The following KCNH5 variants were observed in gnomAD, a reference collection of about 807,000 sequenced individuals.
The protein encoded by KCNH5 is voltage-gated delayed rectifier potassium channel KCNH5.
Under a neutral mutation model 96.1 loss-of-function variants are expected in KCNH5, and 46 were observed. That is an observed-to-expected ratio of 0.48 (90% CI 0.38 to 0.61). The LOEUF is 0.61. KCNH5 is among the 20% of genes least tolerant of loss of function. The probability of loss-of-function intolerance (pLI) is 0.00; values close to 1 mark genes in which losing one functional copy is unlikely to be tolerated. For synonymous variants in KCNH5, 439 were observed against 449.8 expected (o/e 0.98, Z 0.30); for missense variants, 907 against 1,225.8 (o/e 0.74, Z 3.88).
chr14:62,818,796 AC>A (rs1887052884), intron 8 of KCNH5, among the ~76,000 whole-genome samples: 1 of 152,132 alleles, frequency 6.6e-6, no homozygotes, highest in South Asian at 2.1e-4. Context: ...TGAACATATA[AC>A]CCCATTATAT....
At chr14:63,006,303 C>T (rs1031124002) in intron 3 of KCNH5, 63 bp downstream of exon 3, 116 of 1,054,424 alleles carry the variant, frequency 1.1e-4, no homozygotes, top group African/African-American at 4.2e-4. Context: ...AGCTCCACTA[C>T]GACTTACCAA....
chr14:62,801,431 A>AT (rs1438932207), intron 9 of KCNH5, among the ~76,000 whole-genome samples: 2 of 147,180 alleles, frequency 1.4e-5, no homozygotes, highest in Non-Finnish European at 3.0e-5. Context: ...ACTTCCTTTT[A>AT]TATCTGTGGA....
chr14:63,029,248 G>T (rs2180803), intron 1 of KCNH5, among the ~76,000 whole-genome samples: 43,252 of 151,756 alleles, frequency 0.29, 7,324 homozygotes, highest in East Asian at 0.57. Flanking sequence ...ACCACAAGGA[G>T]CCCTGACTCA....
At chr14:63,003,624 A>ATATATATATATTT (rs1491457497) in intron 3 of KCNH5, among the ~76,000 whole-genome samples, 7 of 92,800 alleles carry the variant, frequency 7.5e-5, no homozygotes, top group South Asian at 2.9e-4. Context: ...ATATATATAT[A>ATATATATATATTT]TTTTTTTTTT....
At chr14:62,807,952 C>G (rs1385322899) in intron 8 of KCNH5, among the ~76,000 whole-genome samples, 1 of 152,070 alleles carries the variant, frequency 6.6e-6, no homozygotes, top group African/African-American at 2.4e-5. Flanking sequence ...TAAGGTAAGG[C>G]CTAGGGACGT....
At chr14:63,006,560 C>A in intron 2 of KCNH5, 88 bp from the exon 3 acceptor site, 1 of 738,616 alleles carries the variant, frequency 1.4e-6, no homozygotes, top group South Asian at 1.6e-5. Flanking sequence ...TTTGACTAGT[C>A]AAATGTGGCT....
Position 62,701,376 on chromosome 14 carries a change from T to C in KCNH5, c.*6132A>G, listed in dbSNP as rs928440378. ...ACTCATTAAAAGGAAGCAACTGCTGTCCCTTCTCCACACTCCTTTTTCCTC... is the reference window on the plus strand; with the variant it reads ...ACTCATTAAAAGGAAGCAACTGCTGCCCCTTCTCCACACTCCTTTTTCCTC... On this transcript the variant is annotated 3_prime_UTR_variant, in exon 11 of 11. Transcript: ENST00000322893. The C allele has an allele frequency of 6.6e-6, 1 of 152,180 alleles. No individual in the cohort carries two copies. Among genetic ancestry groups the C allele is most frequent in the Non-Finnish European group, 1.5e-5 (1 of 67,998 alleles). The allele number at this position is 152,180 out of a possible 1,614,324, so 9.4% of individuals were successfully genotyped here. A position where few individuals can be genotyped will look rare whatever the true frequency, so the allele number is the denominator to read the frequency against.
At position 62,701,532 on chromosome 14, in the gene KCNH5, G is replaced by A. The variant is rs1830025097; in HGVS notation, c.*5976C>T. 1 of 152,110 alleles carries A rather than the reference G, an allele frequency of 6.6e-6. No individual in the cohort carries two copies. Among genetic ancestry groups the A allele is most frequent in the Admixed American group, 6.6e-5 (1 of 15,258 alleles). 9.4% of individuals were successfully genotyped at this position (152,110 alleles called of 1,614,324 possible). ...GTAATGTAAAAGCCAGGATGGAAGTGAGCTGACTATAAAAAGCTTTGGATG... is the reference window on the plus strand; with the variant it reads ...GTAATGTAAAAGCCAGGATGGAAGTAAGCTGACTATAAAAAGCTTTGGATG... On this transcript the variant is annotated 3_prime_UTR_variant, in exon 11 of 11. Transcript: ENST00000322893.
rs1193528604 is a variant in KCNH5, at chr14:62,706,100, G to A, written c.*1408C>T. The A allele has an allele frequency of 6.6e-6, 1 of 151,994 alleles. No homozygotes were observed. The highest frequency in any genetic ancestry group is 1.5e-5 in the Non-Finnish European group (1 of 67,922). 9.4% of individuals were successfully genotyped at this position (151,994 alleles called of 1,614,324 possible). On this transcript the variant is annotated 3_prime_UTR_variant, in exon 11 of 11. Coordinates refer to ENST00000322893, the MANE Select transcript of KCNH5 (RefSeq NM_139318.5). ...TTTATTCTCAATCCTTATCATTTAA[G>A]GGACTAGCTATATACAGGACAACTC...
At chr14:62,967,855 T>A (rs983542165) in intron 6 of KCNH5, among the ~76,000 whole-genome samples, 1 of 152,228 alleles carries the variant, frequency 6.6e-6, no homozygotes, top group Admixed American at 6.6e-5. Context: ...TCTTTGCCTC[T>A]ATGTTAGAAT....
chr14:62,775,010 C>T lies in KCNH5; in HGVS notation c.2019+4718G>A, dbSNP rs1005612537. Among the ~76,000 whole-genome samples the T allele has an allele frequency of 3.9e-5, 6 of 152,262 alleles. No homozygotes were observed. In the East Asian group the frequency reaches 7.7e-4, roughly 20 times the overall value. ...TATCAAAATATTTTCAAATAATTTA[C>T]AGTAATCTATGTACTTCTGTCTAGC... On this transcript the variant is annotated intron_variant, in intron 10 of 10. Coordinates refer to ENST00000322893, the MANE Select transcript of KCNH5 (RefSeq NM_139318.5).
At chr14:63,000,653 A>T (rs557676036) in intron 4 of KCNH5, among the ~76,000 whole-genome samples, 2 of 152,354 alleles carry the variant, frequency 1.3e-5, no homozygotes, top group South Asian at 2.1e-4. Context: ...TAATTCAACA[A>T]AATTCAATCA....
At chr14:62,709,660 A>T (rs1884528761) in intron 10 of KCNH5, among the ~76,000 whole-genome samples, 1 of 152,252 alleles carries the variant, frequency 6.6e-6, no homozygotes, top group African/African-American at 2.4e-5. Flanking sequence ...ATAAATGAGC[A>T]TCATTTTATT....
intron 9 of KCNH5, among the ~76,000 whole-genome samples, chr14:62,787,200 C>T (rs547184441): frequency 2.0e-5 from 3 of 152,220 alleles, no homozygotes; most frequent in East Asian, 1.9e-4. Context: ...GCTACTCCAG[C>T]GAACACATGA....
chr14:62,831,976 G>A (rs551152662), intron 8 of KCNH5, among the ~76,000 whole-genome samples: 1 of 152,162 alleles, frequency 6.6e-6, no homozygotes, highest in Non-Finnish European at 1.5e-5. Flanking sequence ...GCCTCCCAAA[G>A]TGTTGGGATT....
intron 7 of KCNH5, among the ~76,000 whole-genome samples, chr14:62,852,611 G>C (rs1034451650): frequency 2.7e-5 from 4 of 150,346 alleles, no homozygotes; most frequent in African/African-American, 9.8e-5. Flanking sequence ...TTTTTGGCCA[G>C]TTTTTCTTTT....
intron 8 of KCNH5, among the ~76,000 whole-genome samples, chr14:62,837,897 G>C (rs1251905918): frequency 1.3e-5 from 2 of 152,144 alleles, no homozygotes; most frequent in Admixed American, 6.6e-5. Context: ...TATTAGACAA[G>C]AGGGATCTTA....
chr14:62,993,747 G>GT (rs1371749472), intron 4 of KCNH5, among the ~76,000 whole-genome samples: 1 of 152,044 alleles, frequency 6.6e-6, no homozygotes, highest in African/African-American at 2.4e-5. Flanking sequence ...GAAAAAAGAC[G>GT]TATCAGCAGT....
At chr14:62,733,444 G>A (rs1885092851) in intron 10 of KCNH5, among the ~76,000 whole-genome samples, 1 of 152,064 alleles carries the variant, frequency 6.6e-6, no homozygotes, top group Non-Finnish European at 1.5e-5. Flanking sequence ...TGTTCTGCTG[G>A]TACCTTGATC....
Sources: gnomAD v4.1 joint callset for allele counts (sites outside exome capture counted in the v4.1 genomes callset) on GRCh38, gnomAD v4.1.1 for gene constraint, MANE v1.5 for transcripts, NCBI Gene and HGNC (gene_info 2026-07-23, HGNC 2026-07-21) for gene names.